TMEM131: variants seen among roughly 807,000 people sequenced by gnomAD.
TMEM131 encodes transmembrane protein 131.
Under a neutral mutation model 211.6 loss-of-function variants are expected in TMEM131, and 66 were observed. That is an observed-to-expected ratio of 0.31 (90% CI 0.26 to 0.38). The LOEUF is 0.38. Ranked by LOEUF, TMEM131 falls within the 10% of genes least tolerant of loss-of-function variation. TMEM131 has a pLI of 1.00. For synonymous variants in TMEM131, 844 were observed against 841.3 expected, an observed-to-expected ratio of 1.00 and a Z score of -0.06; for missense variants, 2,036 against 2,299.3, an observed-to-expected ratio of 0.89 and a Z score of 2.34.
intron 1 of TMEM131, among the ~76,000 whole-genome samples, chr2:97,935,769 C>T (rs1677415427): frequency 6.6e-6 from 1 of 152,204 alleles, no homozygotes; most frequent in Non-Finnish European, 1.5e-5. Flanking sequence ...TTTCTAAGAA[C>T]TCTGGCAATT....
intron 4 of TMEM131, among the ~76,000 whole-genome samples, chr2:97,876,617 T>C (rs944187568): frequency 1.3e-5 from 2 of 152,174 alleles, no homozygotes; most frequent in African/African-American, 2.4e-5. Context: ...ATTATCTCAA[T>C]AGATGCAGAA....
Position 97,934,114 on chromosome 2 carries a change from C to A in TMEM131, c.188-6627G>T, listed in dbSNP as rs548371866. Among the ~76,000 whole-genome samples the A allele has an allele frequency of 5.9e-5, 9 of 151,856 alleles. No homozygotes were observed. The East Asian group carries it at 1.7e-3, about 29-fold the overall frequency. On this transcript the variant is annotated intron_variant, in intron 1 of 40. Coordinates refer to ENST00000186436, the MANE Select transcript of TMEM131 (RefSeq NM_015348.2). ...GGCTACATACTTGTCTATGTAAAAA[C>A]CCCAAGGACTCAAAAAGAAAAGTCC... is the stretch of plus-strand genomic sequence containing the variant.
chr2:97,849,336 AACCACACAGTGAC>A (rs1192994050), intron 5 of TMEM131, among the ~76,000 whole-genome samples: 2 of 152,218 alleles, frequency 1.3e-5, no homozygotes, highest in Non-Finnish European at 2.9e-5. Context: ...TGAATGAATA[AACCACACAGTGAC>A]ACCGCCAGCC....
chr2:97,810,190 T>A (rs1299348393), intron 18 of TMEM131, among the ~76,000 whole-genome samples: 2 of 152,134 alleles, frequency 1.3e-5, no homozygotes, highest in African/African-American at 4.8e-5. Context: ...GCTTTTTTTT[T>A]GATACAGAAA....
At chr2:97,995,376 G>A in intron 1 of TMEM131, 100 bp downstream of exon 1, 3 of 1,194,572 alleles carry the variant, frequency 2.5e-6, no homozygotes, top group Non-Finnish European at 3.2e-6. Flanking sequence ...ACTTTGCGCC[G>A]GAGCCCCGGC....
At chr2:97,814,876 A>G (rs1038610991) in intron 13 of TMEM131, among the ~76,000 whole-genome samples, 56 of 152,326 alleles carry the variant, frequency 3.7e-4, no homozygotes, top group African/African-American at 1.3e-3. Flanking sequence ...ATAATAGGCC[A>G]CAATCACTTA....
At chr2:97,873,119 C>T (rs937245322) in intron 4 of TMEM131, among the ~76,000 whole-genome samples, 3 of 152,236 alleles carry the variant, frequency 2.0e-5, no homozygotes, top group African/African-American at 7.2e-5. Flanking sequence ...ACAGTGTAAA[C>T]AAAGTCACAA....
At chr2:97,818,590 G>A (rs750340246) in intron 12 of TMEM131, 23 bp downstream of exon 12, 7 of 1,443,290 alleles carry the variant, frequency 4.9e-6, no homozygotes, top group Non-Finnish European at 4.8e-6. Context: ...CACTCTATCA[G>A]AGAGAAAATG....
intron 4 of TMEM131, among the ~76,000 whole-genome samples, chr2:97,874,173 A>G (rs1177513973): frequency 7.7e-6 from 1 of 130,186 alleles, no homozygotes; most frequent in Middle Eastern, 4.4e-3. Flanking sequence ...AAGATTAGAG[A>G]AAAAGGAATA....
intron 11 of TMEM131, chr2:97,827,301 G>C: frequency 1.3e-6 from 1 of 785,624 alleles, no homozygotes; most frequent in Non-Finnish European, 2.4e-6. Flanking sequence ...AAGAGCCCAA[G>C]AGGAGATCGG....
intron 39 of TMEM131, 172 bp from the exon 40 acceptor site, chr2:97,759,225 C>T: frequency 1.3e-6 from 1 of 745,432 alleles, no homozygotes; most frequent in East Asian, 2.6e-5. Context: ...TCCTCCAGAA[C>T]TCAAACGCAT....
chr2:97,781,047 C>A (rs1679971861), intron 31 of TMEM131, among the ~76,000 whole-genome samples: 1 of 152,204 alleles, frequency 6.6e-6, no homozygotes, highest in African/African-American at 2.4e-5. Context: ...AGACTCCTCA[C>A]CTACTGAGGT....
intron 7 of TMEM131, among the ~76,000 whole-genome samples, chr2:97,839,331 C>A (rs572902625): frequency 1.3e-5 from 2 of 149,074 alleles, no homozygotes; most frequent in Admixed American, 1.3e-4. Flanking sequence ...AACCAACCAA[C>A]CAACCAACCA....
chr2:97,858,232 GA>G (rs1434630331), intron 5 of TMEM131, among the ~76,000 whole-genome samples: 1 of 152,154 alleles, frequency 6.6e-6, no homozygotes, highest in African/African-American at 2.4e-5. Flanking sequence ...AGGAGTCAGT[GA>G]AAATTCTGGG....
At chr2:97,938,760 T>C (rs962113699) in intron 1 of TMEM131, among the ~76,000 whole-genome samples, 7 of 152,286 alleles carry the variant, frequency 4.6e-5, no homozygotes, top group Middle Eastern at 6.8e-3. Flanking sequence ...TATTCCAAAA[T>C]TGACCACATA....
intron 4 of TMEM131, among the ~76,000 whole-genome samples, chr2:97,881,025 G>C (rs1674903836): frequency 6.6e-6 from 1 of 152,114 alleles, no homozygotes; most frequent in African/African-American, 2.4e-5. Flanking sequence ...CCTAAAGTAG[G>C]GCAGTTCCAG....
chr2:97,925,976 G>A (rs191579098), intron 2 of TMEM131, among the ~76,000 whole-genome samples: 1 of 152,108 alleles, frequency 6.6e-6, no homozygotes, highest in Non-Finnish European at 1.5e-5. Context: ...GCTGGGCATG[G>A]TGGCAGGCGC....
intron 1 of TMEM131, among the ~76,000 whole-genome samples, chr2:97,927,968 T>C (rs751874165): frequency 6.6e-6 from 1 of 152,074 alleles, no homozygotes; most frequent in Admixed American, 6.5e-5. Flanking sequence ...GCAGGGAAAA[T>C]AGCAAAAGAT....
At position 97,762,199 on chromosome 2, in the gene TMEM131, A is replaced by G. The variant is rs1678890979; in HGVS notation, c.4725T>C (p.Ser1575=). ...DSVPVHKPGS[S]TDSLYKLSLQ... is the part of the protein sequence containing the mutation. The stretch of plus-strand genomic sequence containing the variant: ...GAGAAAGTTTATAAAGACTATCAGT[A>G]GCTGGAAATTAAAAACAAACGGGCT... The change falls in exon 36 of 41, where the codon TCT becomes TCC. Residue 1575 remains serine (S), a splice_region_variant and synonymous_variant. Coordinates refer to ENST00000186436, the MANE Select transcript of TMEM131 (RefSeq NM_015348.2). The G allele has an allele frequency of 6.2e-7, 1 of 1,613,838 alleles. No homozygotes were observed. The highest frequency in any genetic ancestry group is 8.5e-7 in the Non-Finnish European group (1 of 1,179,846).
Sources: allele counts gnomAD v4.1 joint callset (sites outside exome capture counted in the v4.1 genomes callset), GRCh38; gene constraint gnomAD v4.1.1; transcripts MANE v1.5; gene names NCBI Gene and HGNC (gene_info 2026-07-23, HGNC 2026-07-21).